FLT1: variants seen among roughly 807,000 people sequenced by gnomAD.
The protein encoded by FLT1 is vascular endothelial growth factor receptor 1.
Under a neutral mutation model 156.3 loss-of-function variants are expected in FLT1, and 49 were observed. That is an observed-to-expected ratio of 0.31 (90% CI 0.25 to 0.40). The LOEUF (loss-of-function observed/expected upper bound fraction) is 0.40. FLT1 is among the 10% of genes least tolerant of loss of function. The pLI is 1.00. For synonymous variants in FLT1, 594 were observed against 583.8 expected (o/e 1.02, Z -0.25); for missense variants, 1,322 against 1,637.2 (o/e 0.81, Z 3.32).
At chr13:28,422,878 T>A (rs1877092786) in intron 10 of FLT1, among the ~76,000 whole-genome samples, 1 of 152,208 alleles carries the variant, frequency 6.6e-6, no homozygotes, top group Admixed American at 6.5e-5. Flanking sequence ...TCTCCTGGGT[T>A]CCTGAAATCC....
rs1555245770 is a variant in FLT1 at position 28,474,507 on chromosome 13, C to CACACACACACAGACACACAG, written c.65-6891_65-6890insCTGTGTGTCTGTGTGTGTGT. 8.1e-3 allele frequency among the ~76,000 whole-genome samples: 1,228 copies of CACACACACACAGACACACAG among 150,690 alleles called. 25 individuals carry two copies. The highest frequency in any genetic ancestry group is 0.029 in the African/African-American group (1,166 of 40,294). The stretch of plus-strand genomic sequence containing the variant: ...ACAGACACACACACACACACACACA[C>CACACACACACAGACACACAG]ACACACACACACACACAAACCCCAC... On this transcript the variant is annotated intron_variant, in intron 1 of 29. Transcript: ENST00000282397.
At position 28,412,389 on chromosome 13, in the gene FLT1, T is replaced by C. The variant is rs868014535; in HGVS notation, c.1437-6495A>G. On this transcript the variant is annotated intron_variant, in intron 10 of 29. Coordinates refer to ENST00000282397, the MANE Select transcript of FLT1 (RefSeq NM_002019.4). ...CTTTCTTTCTTTCTTTCTTTCTTTC[T>C]TTCTTTCTTTCTTTCTTTCTTCTCT... Among the ~76,000 whole-genome samples the C allele has an allele frequency of 2.4e-3, 332 of 139,172 alleles. 14 individuals carry two copies. Among genetic ancestry groups the C allele is most frequent in the Admixed American group, 0.017 (228 of 13,448 alleles). 91.3% of individuals were successfully genotyped at this position (139,172 alleles called of 152,430 possible). A position where few individuals can be genotyped will look rare whatever the true frequency, so the allele number is the denominator to read the frequency against.
chr13:28,383,663 A>C lies in FLT1; in HGVS notation c.2116+1222T>G, dbSNP rs905230461. Among the ~76,000 whole-genome samples the C allele has an allele frequency of 6.0e-5, 9 of 150,816 alleles. 1 individual carries two copies. The Admixed American group carries it at 6.0e-4, about 10-fold the overall frequency. ...GGCGACAGAGCGAGACTCTGTCTCA[A>C]TTTAAAAAAAAAAAAATTAGCTGGG... On this transcript the variant is annotated intron_variant, in intron 14 of 29. Coordinates refer to ENST00000282397, the MANE Select transcript of FLT1 (RefSeq NM_002019.4).
At position 28,455,019 on chromosome 13, in the gene FLT1, T is replaced by A. The variant is rs73455423; in HGVS notation, c.388+11884A>T. On this transcript the variant is annotated intron_variant, in intron 3 of 29. Coordinates refer to ENST00000282397, the MANE Select transcript of FLT1 (RefSeq NM_002019.4). ...CAAAACTGAAGAAAAACTAAATGAATGGAGAGATATTTCATCTTGGATAAA... is the reference window on the plus strand; with the variant it reads ...CAAAACTGAAGAAAAACTAAATGAAAGGAGAGATATTTCATCTTGGATAAA... Among the ~76,000 whole-genome samples, 598 of 152,168 alleles carry A rather than the reference T, an allele frequency of 3.9e-3. 3 individuals carry two copies. Among genetic ancestry groups the A allele is most frequent in the African/African-American group, 0.014 (570 of 41,498 alleles).
intron 3 of FLT1, among the ~76,000 whole-genome samples, chr13:28,464,901 A>C (rs1394078975): frequency 6.6e-6 from 1 of 152,236 alleles, no homozygotes; most frequent in East Asian, 1.9e-4. Context: ...TCAGACTGAT[A>C]AACCTATAGG....
rs2296186 is a variant in FLT1, at chr13:28,311,956, T to C, written c.3492+37A>G. 15,415 of 1,406,360 alleles carry C rather than the reference T, an allele frequency of 0.011. 718 individuals carry two copies. In the East Asian group the frequency reaches 0.17, roughly 15 times the overall value. The allele number at this position is 1,406,360 out of a possible 1,614,324, so 87.1% of individuals were successfully genotyped here. The stretch of plus-strand genomic sequence containing the variant: ...AAATAAAATGCCCCCCTGACGTACA[T>C]TCAAAGGCATTTTGATGTAAATAAA... On this transcript the variant is annotated intron_variant, in intron 26 of 29. Transcript: ENST00000282397.
chr13:28,335,464 T>G (rs148663140), intron 17 of FLT1, among the ~76,000 whole-genome samples: 71 of 152,312 alleles, frequency 4.7e-4, no homozygotes, highest in African/African-American at 1.6e-3. Context: ...TTCTTGTAGT[T>G]TGTAATGAAG....
intron 10 of FLT1, among the ~76,000 whole-genome samples, chr13:28,425,094 C>T (rs1480180651): frequency 6.6e-6 from 1 of 152,138 alleles, no homozygotes; most frequent in African/African-American, 2.4e-5. Flanking sequence ...ACTGATTTAA[C>T]CACCAAGCAC....
chr13:28,327,134 G>A (rs773332062), intron 20 of FLT1, among the ~76,000 whole-genome samples: 9 of 152,236 alleles, frequency 5.9e-5, no homozygotes, highest in Non-Finnish European at 1.3e-4. Context: ...ACTTGTGTAT[G>A]TATGTTTGCG....
intron 10 of FLT1, among the ~76,000 whole-genome samples, chr13:28,422,614 T>G (rs1043150696): frequency 1.3e-5 from 2 of 152,100 alleles, no homozygotes; most frequent in Admixed American, 6.6e-5. Flanking sequence ...TAGACACCCA[T>G]GGAGGAGGTG....
In FLT1 at chr13:28,329,615, C is replaced by T. The variant is rs953968689; in HGVS notation, c.2707G>A (p.Gly903Arg). The T allele has an allele frequency of 1.9e-6, 3 of 1,610,298 alleles. No homozygotes were observed. The highest frequency in any genetic ancestry group is 1.3e-5 in the African/African-American group (1 of 74,852). ...AGCCGGCCCTCCCCTTCTCCATTAC[C>T]TCCTTGCTTGGTGCAGGCTCCCAGC... is the stretch of plus-strand genomic sequence containing the variant. ...NLLGACTKQG[G>R]PLMVIVEYCK... is the part of the protein sequence containing the mutation. The change falls in exon 19 of 30, where the codon GGG becomes AGG. Residue 903 changes from glycine (G) to arginine (R), a missense_variant and splice_region_variant. Gly to Arg is a moderately radical substitution (Grantham distance 125). This residue lies in a region of FLT1 where 991 missense variants were observed against 1,254.8 expected (regional missense o/e 0.79). Transcript: ENST00000282397.
At chr13:28,419,793 C>T (rs1197554146) in intron 10 of FLT1, among the ~76,000 whole-genome samples, 1 of 152,188 alleles carries the variant, frequency 6.6e-6, no homozygotes, top group Non-Finnish European at 1.5e-5. Context: ...GCAGGAGAAT[C>T]ACTTGAACCC....
chr13:28,484,765 GT>G (rs377438719), intron 1 of FLT1, among the ~76,000 whole-genome samples: 112 of 152,208 alleles, frequency 7.4e-4, no homozygotes, highest in African/African-American at 2.5e-3. Flanking sequence ...ATCCCTAAAT[GT>G]CGGGTTTGCA....
intron 10 of FLT1, among the ~76,000 whole-genome samples, chr13:28,419,474 G>GA (rs1876856186): frequency 6.6e-6 from 1 of 152,172 alleles, no homozygotes; most frequent in African/African-American, 2.4e-5. Context: ...TTTGGCCAAA[G>GA]ACAATCTGAG....
Position 28,467,018 on chromosome 13 carries a change from A to G in FLT1, c.273T>C (p.Thr91=), listed in dbSNP as rs151082301. ...TTGCTTGAGCTGTGTTCAAGGTTAA[A>G]GTACTGCAGAATTGTTTGCCATTTC... ...CGRNGKQFCS[T]LTLNTAQANH... The change falls in exon 3 of 30, where the codon ACT becomes ACC. Residue 91 remains threonine, a synonymous_variant. Transcript: ENST00000282397. 4.0e-5 allele frequency: 65 copies of G among 1,614,136 alleles called. 1 individual carries two copies. The African/African-American group carries it at 6.8e-4, about 17-fold the overall frequency.
chr13:28,483,230 G>T (rs1242786414), intron 1 of FLT1, among the ~76,000 whole-genome samples: 1 of 152,160 alleles, frequency 6.6e-6, no homozygotes, highest in Non-Finnish European at 1.5e-5. Flanking sequence ...CAGTGTTGTT[G>T]CCAGAGTTTA....
At chr13:28,365,618 C>T (rs1873263429) in intron 14 of FLT1, among the ~76,000 whole-genome samples, 1 of 152,174 alleles carries the variant, frequency 6.6e-6, no homozygotes, top group South Asian at 2.1e-4. Flanking sequence ...TCCCAAAATG[C>T]TGGGATTACA....
chr13:28,452,661 A>T (rs1284516014), intron 3 of FLT1, among the ~76,000 whole-genome samples: 1 of 152,142 alleles, frequency 6.6e-6, no homozygotes, highest in African/African-American at 2.4e-5. Context: ...GATTATAAAG[A>T]CGAAGCTTAA....
chr13:28,338,697 A>C (rs1313608249), intron 17 of FLT1, among the ~76,000 whole-genome samples: 1 of 151,992 alleles, frequency 6.6e-6, no homozygotes, highest in Non-Finnish European at 1.5e-5. Context: ...AAGAGCACCA[A>C]CTCTTTCACC....
Sources: gnomAD v4.1 joint callset for allele counts (sites outside exome capture counted in the v4.1 genomes callset) on GRCh38, gnomAD v4.1.1 for gene constraint, gnomAD v4.1.1 regional missense constraint, MANE v1.5 for transcripts, NCBI Gene and HGNC (gene_info 2026-07-23, HGNC 2026-07-21) for gene names.